Variants in AGMO observed in about 807,000 individuals in gnomAD.
AGMO encodes the protein alkylglycerol monooxygenase, also known as glyceryl-ether monooxygenase.
Under a neutral mutation model 60.2 loss-of-function variants are expected in AGMO, and 75 were observed. That is an observed-to-expected ratio of 1.25 (90% CI 1.03 to 1.51). The LOEUF (loss-of-function observed/expected upper bound fraction) is 1.51. Among genes scored for constraint, AGMO ranks in the 40% most tolerant of loss-of-function variants. The pLI, the probability that AGMO is intolerant of heterozygous loss-of-function variation, is 0.00. For synonymous variants in AGMO, 261 were observed against 177.1 expected (o/e 1.47, Z -3.76); for missense variants, 763 against 525.5 (o/e 1.45, Z -4.42).
chr7:15,473,204 G>C (rs768481926), intron 3 of AGMO, among the ~76,000 whole-genome samples: 76 of 151,932 alleles, frequency 5.0e-4, no homozygotes, highest in Admixed American at 2.0e-4. Context: ...CCAGGAAGAA[G>C]TGGAATTCCT....
At chr7:15,277,168 C>T (rs116114519) in intron 12 of AGMO, among the ~76,000 whole-genome samples, 4,723 of 151,880 alleles carry the variant, frequency 0.031, 240 homozygotes, top group African/African-American at 0.11. Context: ...ATTAGGTGGG[C>T]ATGGTGGTGG....
chr7:15,416,280 C>T (rs11765938), intron 5 of AGMO, among the ~76,000 whole-genome samples: 20,967 of 151,890 alleles, frequency 0.14, 1,688 homozygotes, highest in Non-Finnish European at 0.19. Context: ...GTGATCTGCC[C>T]GCCTCTGCCT....
chr7:15,548,559 G>T (rs1389262280), intron 2 of AGMO, among the ~76,000 whole-genome samples: 2 of 149,828 alleles, frequency 1.3e-5, no homozygotes, highest in African/African-American at 4.9e-5. Context: ...TGGAAGAAAG[G>T]GTATCAGCGA....
At chr7:15,219,068 T>C (rs373869828) in intron 12 of AGMO, among the ~76,000 whole-genome samples, 1 of 152,304 alleles carries the variant, frequency 6.6e-6, no homozygotes, top group African/African-American at 2.4e-5. Flanking sequence ...CATTTACTGA[T>C]CAAATTTGTA....
rs183406285 is a variant in AGMO at position 15,470,157 on chromosome 7, T to C, written c.410-39049A>G. 3.1e-3 allele frequency among the ~76,000 whole-genome samples: 470 copies of C among 152,060 alleles called. 1 individual carries two copies. The highest frequency in any genetic ancestry group is 0.011 in the African/African-American group (446 of 41,518). On this transcript the variant is annotated intron_variant, in intron 3 of 12. Transcript: ENST00000342526. ...AAGGCAGATGGATATTCAAGAAAGA[T>C]AGCATAGCATGTGAAGAGTTGAAGT... is the stretch of plus-strand genomic sequence containing the variant.
At chr7:15,203,939 G>A (rs963237925) in intron 12 of AGMO, among the ~76,000 whole-genome samples, 4 of 151,952 alleles carry the variant, frequency 2.6e-5, no homozygotes, top group African/African-American at 4.8e-5. Flanking sequence ...GTCAGTAACC[G>A]CTAGGCTTCT....
At chr7:15,240,175 T>C (rs1330939582) in intron 12 of AGMO, among the ~76,000 whole-genome samples, 3 of 152,136 alleles carry the variant, frequency 2.0e-5, no homozygotes, top group African/African-American at 7.2e-5. Context: ...ACCTGGTGTG[T>C]TAGGTCTCTT....
chr7:15,318,545 G>C (rs1024412444), intron 12 of AGMO, among the ~76,000 whole-genome samples: 7 of 152,216 alleles, frequency 4.6e-5, no homozygotes, highest in Admixed American at 4.6e-4. Context: ...TCACAAGCTA[G>C]TGTCAAAAGA....
At chr7:15,314,503 A>G (rs73284578) in intron 12 of AGMO, among the ~76,000 whole-genome samples, 4,719 of 152,244 alleles carry the variant, frequency 0.031, 278 homozygotes, top group African/African-American at 0.11. Context: ...TGTACTTTAA[A>G]TCACATTCTA....
At position 15,369,376 on chromosome 7, in the gene AGMO, C is replaced by T. The variant is rs1783110516; in HGVS notation, c.1075-3154G>A. ...ATAAAGCTCAAAGTCATCACTCTAG[C>T]CCAAATACGCCATACCCCACTATTA... On this transcript the variant is annotated intron_variant, in intron 10 of 12. Transcript: ENST00000342526. 2.6e-5 allele frequency among the ~76,000 whole-genome samples: 4 copies of T among 152,064 alleles called. No homozygotes were observed. The South Asian group carries it at 6.2e-4, about 24-fold the overall frequency.
At chr7:15,153,330 G>A in the AGMO span, among the ~76,000 whole-genome samples, 1 of 151,966 alleles carries the variant, frequency 6.6e-6, no homozygotes, top group Non-Finnish European at 1.5e-5. Flanking sequence ...TCCTTTGCAG[G>A]AGCATTTTAG....
intron 3 of AGMO, among the ~76,000 whole-genome samples, chr7:15,518,650 C>G (rs913646601): frequency 1.3e-5 from 2 of 152,036 alleles, no homozygotes; most frequent in African/African-American, 4.8e-5. Context: ...GGCGACCACT[C>G]AAAAACCCCA....
At chr7:15,166,534 G>C in the AGMO span, among the ~76,000 whole-genome samples, 2 of 152,126 alleles carry the variant, frequency 1.3e-5, no homozygotes, top group Non-Finnish European at 2.9e-5. Flanking sequence ...GCTGTTTGTA[G>C]GTTTTAAACA....
At chr7:15,119,759 A>T in the AGMO span, among the ~76,000 whole-genome samples, 2 of 152,080 alleles carry the variant, frequency 1.3e-5, no homozygotes, top group Non-Finnish European at 2.9e-5. Context: ...TCTTAACTAG[A>T]CACTTTTTCC....
chr7:15,273,717 T>G lies in AGMO; in HGVS notation c.1264-72358A>C, dbSNP rs369835819. 4.6e-5 allele frequency among the ~76,000 whole-genome samples: 7 copies of G among 152,326 alleles called. No homozygotes were observed. In the East Asian group the frequency reaches 7.7e-4, roughly 17 times the overall value. On this transcript the variant is annotated intron_variant, in intron 12 of 12. Transcript: ENST00000342526. ...AATCTATAAATTACCTTGGGCACTA[T>G]GGCCATTTTCACGGTATTGATTCTT...
At chr7:15,513,635 G>A (rs1479385093) in intron 3 of AGMO, among the ~76,000 whole-genome samples, 2 of 151,896 alleles carry the variant, frequency 1.3e-5, no homozygotes, top group East Asian at 3.9e-4. Context: ...AATAAATGTG[G>A]GTTGGAAAGC....
the AGMO span, among the ~76,000 whole-genome samples, chr7:15,167,829 A>T: frequency 1.3e-5 from 2 of 152,222 alleles, no homozygotes; most frequent in Non-Finnish European, 2.9e-5. Flanking sequence ...TGAAAGTGTG[A>T]TTTAATTTTA....
the AGMO span, among the ~76,000 whole-genome samples, chr7:15,177,251 A>C: frequency 1.1e-4 from 17 of 152,202 alleles, no homozygotes; most frequent in East Asian, 2.9e-3. Flanking sequence ...AAAAATGAAA[A>C]AGTATATTAG....
At chr7:15,345,409 G>T (rs1781999202) in intron 12 of AGMO, among the ~76,000 whole-genome samples, 1 of 152,148 alleles carries the variant, frequency 6.6e-6, no homozygotes, top group Non-Finnish European at 1.5e-5. Flanking sequence ...GCAGCATGGT[G>T]AACTCACACT....
Sources: allele counts gnomAD v4.1 joint callset (sites outside exome capture counted in the v4.1 genomes callset), GRCh38; gene constraint gnomAD v4.1.1; transcripts MANE v1.5; gene names NCBI Gene and HGNC (gene_info 2026-07-23, HGNC 2026-07-21).